Variants in DCLK2 observed in about 807,000 individuals in gnomAD.
DCLK2 encodes the protein doublecortin like kinase 2, also known as serine/threonine-protein kinase DCLK2.
In DCLK2, 31 loss-of-function variants were observed where a neutral mutation model predicts 78.4. That is an observed-to-expected ratio of 0.40 (90% CI 0.30 to 0.53). The LOEUF is 0.53. Among genes scored for constraint, DCLK2 ranks in the 20% least tolerant of loss-of-function variants. The pLI, the probability that DCLK2 is intolerant of heterozygous loss-of-function variation, is 0.61. For synonymous variants in DCLK2, 407 were observed against 374.9 expected (o/e 1.09, Z -0.99); for missense variants, 872 against 973.7 (o/e 0.90, Z 1.39).
chr4:150,164,401 AAGCCTAT>A (rs1346485094), intron 2 of DCLK2, among the ~76,000 whole-genome samples: 2 of 152,308 alleles, frequency 1.3e-5, no homozygotes, highest in African/African-American at 4.8e-5. Flanking sequence ...CCCAAATTAA[AAGCCTAT>A]AGCTCATCAG....
At chr4:150,191,228 G>A (rs550068561) in intron 2 of DCLK2, among the ~76,000 whole-genome samples, 11 of 152,176 alleles carry the variant, frequency 7.2e-5, no homozygotes, top group South Asian at 4.2e-4. Context: ...AGACAGGGTT[G>A]GGGGTCAGTT....
chr4:150,176,028 A>G (rs1737066563), intron 2 of DCLK2, among the ~76,000 whole-genome samples: 1 of 152,230 alleles, frequency 6.6e-6, no homozygotes, highest in Admixed American at 6.5e-5. Context: ...AGAAGAAGAT[A>G]GGTGGCTGGA....
chr4:150,249,470 G>T, intron 14 of DCLK2, 98 bp from the exon 15 acceptor site: 1 of 921,242 alleles, frequency 1.1e-6, no homozygotes, highest in Non-Finnish European at 1.8e-6. Context: ...GAAGAGGTCA[G>T]GAGGGTGGTT....
chr4:150,165,294 G>T (rs1055562639), intron 2 of DCLK2, among the ~76,000 whole-genome samples: 21 of 152,154 alleles, frequency 1.4e-4, no homozygotes, highest in African/African-American at 4.8e-4. Flanking sequence ...CACTGTTTCT[G>T]TTCTATAGAT....
chr4:150,242,019 T>C (rs113845287), intron 12 of DCLK2, among the ~76,000 whole-genome samples: 1 of 152,250 alleles, frequency 6.6e-6, no homozygotes, highest in Non-Finnish European at 1.5e-5. Flanking sequence ...AAAATGGTTT[T>C]ATCTTCTTTT....
intron 4 of DCLK2, chr4:150,199,011 A>C (rs941155403): frequency 6.5e-7 from 1 of 1,548,440 alleles, no homozygotes; most frequent in Non-Finnish European, 8.7e-7. Flanking sequence ...TACTCTGTGT[A>C]TACTGCATGT....
intron 5 of DCLK2, 95 bp downstream of exon 5, chr4:150,203,984 G>A (rs1225540824): frequency 1.7e-6 from 2 of 1,158,700 alleles, no homozygotes; most frequent in African/African-American, 1.6e-5. Context: ...GAGTACAGTA[G>A]CAAATTAAAA....
chr4:150,152,289 T>A (rs183127878), intron 2 of DCLK2, among the ~76,000 whole-genome samples: 1 of 152,270 alleles, frequency 6.6e-6, no homozygotes, highest in African/African-American at 2.4e-5. Context: ...ATTGATTGAT[T>A]TTTTATTTTT....
intron 2 of DCLK2, among the ~76,000 whole-genome samples, chr4:150,131,576 A>G (rs1438494144): frequency 6.6e-6 from 1 of 152,096 alleles, no homozygotes; most frequent in Non-Finnish European, 1.5e-5. Flanking sequence ...GTAAGAAAAT[A>G]ATTGGGGTCC....
chr4:150,249,544 AT>A (rs1560910284), intron 14 of DCLK2, 23 bp from the exon 15 acceptor site: 4 of 1,596,376 alleles, frequency 2.5e-6, no homozygotes, highest in Non-Finnish European at 3.4e-6. Flanking sequence ...AAAGCATTGT[AT>A]TTGATTGTTT....
At chr4:150,161,580 T>C (rs1735710881) in intron 2 of DCLK2, among the ~76,000 whole-genome samples, 1 of 152,138 alleles carries the variant, frequency 6.6e-6, no homozygotes, top group Non-Finnish European at 1.5e-5. Context: ...TCACAGAAGA[T>C]CTCTGGAATC....
chr4:150,147,048 C>G (rs1338574765), intron 2 of DCLK2, among the ~76,000 whole-genome samples: 2 of 151,868 alleles, frequency 1.3e-5, no homozygotes, highest in Admixed American at 1.3e-4. Flanking sequence ...CTTTGGGAGG[C>G]AGAGGCAGGA....
At chr4:150,203,726 T>A in intron 4 of DCLK2, 69 bp from the exon 5 acceptor site, 4 of 1,260,132 alleles carry the variant, frequency 3.2e-6, no homozygotes, top group Non-Finnish European at 4.6e-6. Flanking sequence ...ATGCACCTAG[T>A]GTATTTATAC....
chr4:150,092,169 A>G (rs935684672), intron 1 of DCLK2, among the ~76,000 whole-genome samples: 1 of 152,032 alleles, frequency 6.6e-6, no homozygotes, highest in Non-Finnish European at 1.5e-5. Flanking sequence ...ATAATATCTC[A>G]TTGTATGTAT....
At chr4:150,080,298 A>T (rs1729160281) in intron 1 of DCLK2, among the ~76,000 whole-genome samples, 1 of 152,172 alleles carries the variant, frequency 6.6e-6, no homozygotes, top group Non-Finnish European at 1.5e-5. Context: ...AAAAATTAGT[A>T]ATTCTGCTGT....
At chr4:150,166,937 G>T (rs1397409238) in intron 2 of DCLK2, among the ~76,000 whole-genome samples, 1 of 152,182 alleles carries the variant, frequency 6.6e-6, no homozygotes, top group Non-Finnish European at 1.5e-5. Flanking sequence ...TGGTGGGCGG[G>T]ACACTGCCTA....
intron 2 of DCLK2, among the ~76,000 whole-genome samples, chr4:150,153,047 G>C (rs1483369836): frequency 6.6e-6 from 1 of 152,228 alleles, no homozygotes; most frequent in Non-Finnish European, 1.5e-5. Context: ...GCTTTGACAA[G>C]TGAGCAGGAC....
chr4:150,251,377 A>C (rs1484394179), intron 15 of DCLK2, among the ~76,000 whole-genome samples: 1 of 4,760 alleles, frequency 2.1e-4, no homozygotes, highest in Non-Finnish European at 3.3e-4. Flanking sequence ...CCTCCACACC[A>C]CACATCCCCA....
intron 1 of DCLK2, among the ~76,000 whole-genome samples, chr4:150,101,096 A>G (rs1294857095): frequency 6.6e-6 from 1 of 152,086 alleles, no homozygotes; most frequent in African/African-American, 2.4e-5. Flanking sequence ...TCTACTAAAA[A>G]CACAAAAATT....
Sources: gnomAD v4.1 joint callset for allele counts (sites outside exome capture counted in the v4.1 genomes callset) on GRCh38, gnomAD v4.1.1 for gene constraint, MANE v1.5 for transcripts, NCBI Gene and HGNC (gene_info 2026-07-23, HGNC 2026-07-21) for gene names.